Variants in UNC5B observed in about 807,000 individuals in gnomAD.
UNC5B encodes the protein netrin receptor UNC5B.
A neutral mutation model predicts 103.7 loss-of-function variants in UNC5B; 56 were observed. The observed-to-expected ratio is 0.54, with a 90% CI of 0.44 to 0.67. The LOEUF is 0.67. Ranked by LOEUF, UNC5B falls within the 30% of genes least tolerant of loss-of-function variation. The pLI, the probability that UNC5B is intolerant of heterozygous loss-of-function variation, is 0.00. For missense variants in UNC5B, 1,194 were observed against 1,284.5 expected (o/e 0.93, Z 1.08); for synonymous variants, 577 against 542.0 (o/e 1.06, Z -0.90).
chr10:71,286,051 C>T (rs1410736325), intron 4 of UNC5B, among the ~76,000 whole-genome samples: 1 of 152,210 alleles, frequency 6.6e-6, no homozygotes, highest in East Asian at 1.9e-4. Flanking sequence ...CCCTCCTCTG[C>T]GTAGTGGGCT....
intron 2 of UNC5B, among the ~76,000 whole-genome samples, chr10:71,281,005 C>A (rs1844911822): frequency 6.6e-6 from 1 of 152,052 alleles, no homozygotes; most frequent in South Asian, 2.1e-4. Context: ...CTGCTCATTT[C>A]TCTCTCTCTC....
At chr10:71,279,077 C>A (rs1241679672) in intron 1 of UNC5B, among the ~76,000 whole-genome samples, 1 of 152,178 alleles carries the variant, frequency 6.6e-6, no homozygotes, top group African/African-American at 2.4e-5. Context: ...GGCACAGCCC[C>A]CATCTGCTCT....
intron 1 of UNC5B, among the ~76,000 whole-genome samples, chr10:71,233,519 C>T (rs893192386): frequency 2.0e-5 from 3 of 152,324 alleles, no homozygotes; most frequent in Middle Eastern, 6.8e-3. Flanking sequence ...CCCTTGTCTC[C>T]CCCTTCCCTC....
At chr10:71,220,096 C>T (rs143014870) in intron 1 of UNC5B, among the ~76,000 whole-genome samples, 13 of 152,346 alleles carry the variant, frequency 8.5e-5, no homozygotes, top group Admixed American at 2.6e-4. Context: ...CACCTCCCAG[C>T]ATCCCAGGTT....
chr10:71,254,257 G>A (rs557754030), intron 1 of UNC5B, among the ~76,000 whole-genome samples: 2 of 152,328 alleles, frequency 1.3e-5, no homozygotes, highest in African/African-American at 2.4e-5. Flanking sequence ...GTCTTCTCCC[G>A]TCACAAGACT....
intron 1 of UNC5B, among the ~76,000 whole-genome samples, chr10:71,218,967 C>CCACAACTTT (rs1843396162): frequency 4.6e-5 from 7 of 152,120 alleles, no homozygotes; most frequent in African/African-American, 1.7e-4. Flanking sequence ...ACTCCACTGT[C>CCACAACTTT]GTTACAACTT....
chr10:71,241,219 C>G (rs1843893296), intron 1 of UNC5B, among the ~76,000 whole-genome samples: 1 of 152,180 alleles, frequency 6.6e-6, no homozygotes, highest in Non-Finnish European at 1.5e-5. Flanking sequence ...TGTCTTGAGA[C>G]TCAGTTAGCT....
chr10:71,228,384 CAA>C (rs58283911), intron 1 of UNC5B, among the ~76,000 whole-genome samples: 7 of 142,536 alleles, frequency 4.9e-5, no homozygotes, highest in African/African-American at 1.8e-4. Flanking sequence ...AAATTTTCGA[CAA>C]AAAAAAAAAT....
rs968512989 is a variant in UNC5B, at chr10:71,269,458, C to A, written c.80-10363C>A. 2.0e-5 allele frequency among the ~76,000 whole-genome samples: 3 copies of A among 151,660 alleles called. No homozygotes were observed. In the East Asian group the frequency reaches 5.8e-4, roughly 29 times the overall value. Reference sequence around the variant, plus strand: ...AGACCACACCCTCTCTGGTCTCCATCCTTGAGGGCAGTGATTAGATGGTCT... The same window carrying A: ...AGACCACACCCTCTCTGGTCTCCATACTTGAGGGCAGTGATTAGATGGTCT... On this transcript the variant is annotated intron_variant, in intron 1 of 16. Coordinates refer to ENST00000335350, the MANE Select transcript of UNC5B (RefSeq NM_170744.5).
rs376724658 is a variant in UNC5B, at chr10:71,292,506, G to A, written c.1724G>A (p.Gly575Asp). The change falls in exon 11 of 17, where the codon GGC becomes GAC. Residue 575 changes from glycine (G) to aspartate (D), a missense_variant. Gly to Asp is a moderately conservative substitution (Grantham distance 94). Coordinates refer to ENST00000335350, the MANE Select transcript of UNC5B (RefSeq NM_170744.5). ...GTGCCCAATGGAGCCATTCCCCAGG[G>A]CAAGTTCTACGAGATGTATCTACTC... is the stretch of plus-strand genomic sequence containing the variant. Reference protein sequence around the residue: ...LLVPNGAIPQGKFYEMYLLIN... With the variant: ...LLVPNGAIPQDKFYEMYLLIN... 1.3e-4 allele frequency: 204 copies of A among 1,605,572 alleles called. 1 individual carries two copies. Among genetic ancestry groups the A allele is most frequent in the Non-Finnish European group, 5.0e-5 (59 of 1,176,304 alleles).
chr10:71,291,006 G>A lies in UNC5B; in HGVS notation c.1191G>A (p.Val397=), dbSNP rs199781203. 19 of 1,614,014 alleles carry A rather than the reference G, an allele frequency of 1.2e-5. No individual in the cohort carries two copies. The African/African-American group carries it at 2.1e-4, about 18-fold the overall frequency. The part of the protein sequence containing the change: ...VVAILMAVGV[V]VYRRNCRDFD... ...CAATCCTCATGGCGGTGGGGGTGGT[G>A]GTGTACCGCCGCAACTGCCGTGACT... The change falls in exon 9 of 17, where the codon GTG becomes GTA. Residue 397 remains valine, a synonymous_variant. Coordinates refer to ENST00000335350, the MANE Select transcript of UNC5B (RefSeq NM_170744.5).
Position 71,213,056 on chromosome 10 carries a change from GC to G in UNC5B, c.73del (p.Gln25LysfsTer36). Reference protein sequence around the residue: ...ALLLCWDPRLSQAGTDSGSEV... With the variant: ...ALLLCWDPRLXQAGTDSGSEV... ...CTGCTCTGCTGGGACCCGAGGCTGA[GC>G]CAAGCAGGTAGGAAGCGATCGGGTC... On this transcript the variant is annotated frameshift_variant, in exon 1 of 17. Transcript: ENST00000335350. LOFTEE classifies it high-confidence loss of function. The surrounding 1 kb of genome is among the most constrained non-coding windows in gnomAD (Gnocchi z 4.1). 1 of 1,400,284 alleles carries G rather than the reference GC, an allele frequency of 7.1e-7. No homozygotes were observed. Among genetic ancestry groups the G allele is most frequent in the South Asian group, 1.7e-5 (1 of 58,528 alleles). 86.7% of individuals were successfully genotyped at this position (1,400,284 alleles called of 1,614,324 possible).
chr10:71,286,776 C>T lies in UNC5B; in HGVS notation c.640C>T (p.Gln214Ter). The T allele has an allele frequency of 6.2e-7, 1 of 1,614,234 alleles. No individual in the cohort carries two copies. The highest frequency in any genetic ancestry group is 2.2e-5 in the East Asian group (1 of 44,884). ...CATCGACCACAACCTCATCATCCGCCAGGCCCGCCTGTCGGACACTGCCAA... is the reference window on the plus strand; with the variant it reads ...CATCGACCACAACCTCATCATCCGCTAGGCCCGCCTGTCGGACACTGCCAA... ...LTIDHNLIIR[Q>*]ARLSDTANYT... Residue 214 changes from glutamine to a stop codon, truncating the protein, a stop_gained, in exon 5 of 17, where the codon CAG becomes TAG. Coordinates refer to ENST00000335350, the MANE Select transcript of UNC5B (RefSeq NM_170744.5). LOFTEE classifies it high-confidence loss of function.
At position 71,265,284 on chromosome 10, in the gene UNC5B, G is replaced by A. The variant is rs116204128; in HGVS notation, c.80-14537G>A. On this transcript the variant is annotated intron_variant, in intron 1 of 16. Coordinates refer to ENST00000335350, the MANE Select transcript of UNC5B (RefSeq NM_170744.5). Reference sequence around the variant, plus strand: ...GTGGTTCTTTGTGGCCAGGGAAGCCGTTTAATCCCAGCTGGGGTGAAGCTT... The same window carrying A: ...GTGGTTCTTTGTGGCCAGGGAAGCCATTTAATCCCAGCTGGGGTGAAGCTT... 4.1e-3 allele frequency among the ~76,000 whole-genome samples: 620 copies of A among 152,270 alleles called. 2 individuals are homozygous for A. Among genetic ancestry groups the A allele is most frequent in the African/African-American group, 0.014 (568 of 41,560 alleles).
intron 3 of UNC5B, 118 bp from the exon 4 acceptor site, chr10:71,285,208 A>C: frequency 9.3e-7 from 1 of 1,070,130 alleles, no homozygotes. Flanking sequence ...GGCAAAGGCC[A>C]GGTGGGCCCA....
chr10:71,298,654 G>T (rs1589210972), intron 16 of UNC5B, among the ~76,000 whole-genome samples: 2 of 152,198 alleles, frequency 1.3e-5, no homozygotes, highest in South Asian at 2.1e-4. Context: ...CATTTTACTA[G>T]AAATGAATAG....
chr10:71,239,983 T>C (rs1332604159), intron 1 of UNC5B, among the ~76,000 whole-genome samples: 3 of 152,272 alleles, frequency 2.0e-5, no homozygotes, highest in East Asian at 3.9e-4. Context: ...GTGGGGTGCC[T>C]GGAGGCAGGA....
At chr10:71,221,166 C>G (rs1721788132) in intron 1 of UNC5B, among the ~76,000 whole-genome samples, 1 of 152,184 alleles carries the variant, frequency 6.6e-6, no homozygotes, top group African/African-American at 2.4e-5. Flanking sequence ...CTCACCGAAG[C>G]CATAAATCAC....
rs1487764172 is a variant in UNC5B, at chr10:71,293,917, C to T, written c.2159C>T (p.Thr720Met). The T allele has an allele frequency of 4.4e-6, 7 of 1,601,728 alleles. No individual in the cohort carries two copies. Among genetic ancestry groups the T allele is most frequent in the African/African-American group, 2.7e-5 (2 of 74,826 alleles). ...YSLRVYCLEDTPVALKEVLEL... is the reference protein window; with the variant it reads ...YSLRVYCLEDMPVALKEVLEL... Reference sequence around the variant, plus strand: ...CTCCGGGTCTACTGCCTGGAGGACACGCCTGTAGCACTGAAGGTAGGGCCA... The same window carrying T: ...CTCCGGGTCTACTGCCTGGAGGACATGCCTGTAGCACTGAAGGTAGGGCCA... Residue 720 changes from threonine (T) to methionine (M), a missense_variant, in exon 13 of 17, where the codon ACG becomes ATG. Physicochemically the swap from Thr to Met is moderately conservative, Grantham distance 81 (BLOSUM62 -1). Transcript: ENST00000335350.
Sources: allele counts gnomAD v4.1 joint callset (sites outside exome capture counted in the v4.1 genomes callset), GRCh38; gene constraint gnomAD v4.1.1; non-coding constraint Gnocchi (gnomAD v3.1); transcripts MANE v1.5; gene names NCBI Gene and HGNC (gene_info 2026-07-23, HGNC 2026-07-21).